GALNT2: variants seen among roughly 807,000 people sequenced by gnomAD.
The protein encoded by GALNT2 is polypeptide N-acetylgalactosaminyltransferase 2.
GALNT2 carries 31 observed loss-of-function variants against 81.4 expected under a neutral mutation model. That is an observed-to-expected ratio of 0.38 (90% CI 0.29 to 0.51). The LOEUF (loss-of-function observed/expected upper bound fraction) is 0.51, where lower values mean the gene tolerates loss of function less well. Ranked by LOEUF, GALNT2 falls within the 20% of genes least tolerant of loss-of-function variation. The pLI is 0.87. For synonymous variants in GALNT2, 303 were observed against 287.4 expected, an observed-to-expected ratio of 1.05 and a Z score of -0.55; for missense variants, 629 against 765.7, an observed-to-expected ratio of 0.82 and a Z score of 2.11.
chr1:230,169,426 A>C lies in GALNT2; in HGVS notation c.127-8792A>C, dbSNP rs115766744. ...CAGGATTTACTGGATATGCCAGTGC[A>C]TTTGCAAACTATTCCTAGTTGCATT... On this transcript the variant is annotated intron_variant, in intron 1 of 15. Transcript: ENST00000366672. Among the ~76,000 whole-genome samples, 890 of 152,344 alleles carry C rather than the reference A, an allele frequency of 5.8e-3. 12 individuals carry two copies. The highest frequency in any genetic ancestry group is 0.021 in the African/African-American group (864 of 41,574).
chr1:230,235,932 T>C, intron 3 of GALNT2, 82 bp from the exon 4 acceptor site: 1 of 1,283,848 alleles, frequency 7.8e-7, no homozygotes, highest in East Asian at 2.4e-5. Context: ...AGTTGGTCAG[T>C]CTGCCTGTTC....
At chr1:230,215,517 T>C (rs1242078988) in intron 3 of GALNT2, among the ~76,000 whole-genome samples, 1 of 152,258 alleles carries the variant, frequency 6.6e-6, no homozygotes, top group Non-Finnish European at 1.5e-5. Flanking sequence ...GCAAGGAACT[T>C]TACTGTCACT....
intron 3 of GALNT2, among the ~76,000 whole-genome samples, chr1:230,226,688 A>C (rs986742800): frequency 2.1e-4 from 32 of 152,252 alleles, no homozygotes; most frequent in African/African-American, 7.7e-4. Flanking sequence ...CTCTCTCCCA[A>C]AGTTAGGGGA....
intron 2 of GALNT2, among the ~76,000 whole-genome samples, chr1:230,196,813 G>GA (rs1310977390): frequency 6.6e-6 from 1 of 152,166 alleles, no homozygotes; most frequent in East Asian, 1.9e-4. Context: ...GAGAGCAGGA[G>GA]AAAATGGTAA....
chr1:230,278,930 A>G (rs1338155312), intron 15 of GALNT2, among the ~76,000 whole-genome samples: 1 of 152,170 alleles, frequency 6.6e-6, no homozygotes, highest in Non-Finnish European at 1.5e-5. Flanking sequence ...CTTGGGGTGA[A>G]CCATCACTGG....
intron 1 of GALNT2, among the ~76,000 whole-genome samples, chr1:230,072,060 G>A (rs1190303279): frequency 6.6e-6 from 1 of 151,990 alleles, no homozygotes; most frequent in Non-Finnish European, 1.5e-5. Flanking sequence ...TGAGTCTTCA[G>A]ACCCGCTGTC....
intron 11 of GALNT2, among the ~76,000 whole-genome samples, chr1:230,256,277 C>G (rs947286692): frequency 6.6e-6 from 1 of 152,136 alleles, no homozygotes; most frequent in African/African-American, 2.4e-5. Context: ...GAAACCGCAT[C>G]TCTACTAAAA....
intron 3 of GALNT2, among the ~76,000 whole-genome samples, chr1:230,231,088 G>A (rs1241239210): frequency 6.6e-6 from 1 of 152,192 alleles, no homozygotes; most frequent in Non-Finnish European, 1.5e-5. Flanking sequence ...AGCCGCTGCT[G>A]CATGTGGACT....
intron 1 of GALNT2, among the ~76,000 whole-genome samples, chr1:230,173,269 C>G (rs1662855057): frequency 6.6e-6 from 1 of 152,144 alleles, no homozygotes; most frequent in Non-Finnish European, 1.5e-5. Context: ...ATACTCTAGA[C>G]CAAGGGGTGA....
intron 1 of GALNT2, among the ~76,000 whole-genome samples, chr1:230,163,141 A>G (rs1456475139): frequency 6.7e-6 from 1 of 149,534 alleles, no homozygotes. Context: ...TCAGCTAAAC[A>G]TGTTCTTTGA....
At chr1:230,071,063 G>T (rs940220340) in intron 1 of GALNT2, among the ~76,000 whole-genome samples, 17 of 152,096 alleles carry the variant, frequency 1.1e-4, no homozygotes, top group Non-Finnish European at 2.4e-4. Context: ...CTGTTAGTGG[G>T]TGCTGAATAA....
chr1:230,159,341 CAGCACTCCCCTGAGTTTATT>C (rs1272852528), intron 1 of GALNT2, among the ~76,000 whole-genome samples: 1 of 53,012 alleles, frequency 1.9e-5, no homozygotes, highest in East Asian at 3.0e-4. Flanking sequence ...TTAAAGTGTT[CAGCACTCCCCTGAGTTTATT>C]AGAAGGATCA....
chr1:230,163,429 G>A (rs969133502), intron 1 of GALNT2, among the ~76,000 whole-genome samples: 4 of 152,246 alleles, frequency 2.6e-5, no homozygotes, highest in African/African-American at 9.6e-5. Context: ...TCATGCTTTA[G>A]CGTTTCCAGC....
rs1659436699 is a variant in GALNT2, at chr1:230,073,493, C to T, written c.126+6087C>T. ...TTGCCTCCTGCAGCACAGGGTGAAA[C>T]ACTGGCATTTTTGCACTTAGTCATG... On this transcript the variant is annotated intron_variant, in intron 1 of 15. Coordinates refer to ENST00000366672, the MANE Select transcript of GALNT2 (RefSeq NM_004481.5). Among the ~76,000 whole-genome samples the T allele has an allele frequency of 3.9e-5, 6 of 152,358 alleles. No homozygotes were observed. In the South Asian group the frequency reaches 1.2e-3, roughly 32 times the overall value.
intron 1 of GALNT2, among the ~76,000 whole-genome samples, chr1:230,100,573 G>T (rs182028010): frequency 6.6e-6 from 1 of 152,168 alleles, no homozygotes; most frequent in South Asian, 2.1e-4. Context: ...CGATCTGCCC[G>T]CCTCGGCCTC....
chr1:230,272,714 A>G lies in GALNT2; in HGVS notation c.1441-1731A>G, dbSNP rs564796597. ...GATGGTGCATCCCGCCAGTGGTTGTATAAGGTCTGAATGCTAGAATCTTTA... is the reference window on the plus strand; with the variant it reads ...GATGGTGCATCCCGCCAGTGGTTGTGTAAGGTCTGAATGCTAGAATCTTTA... On this transcript the variant is annotated intron_variant, in intron 14 of 15. Transcript: ENST00000366672. Among the ~76,000 whole-genome samples the G allele has an allele frequency of 2.0e-5, 3 of 152,214 alleles. No homozygotes were observed. The South Asian group carries it at 6.2e-4, about 32-fold the overall frequency.
intron 15 of GALNT2, among the ~76,000 whole-genome samples, chr1:230,277,594 G>A (rs1278470323): frequency 2.0e-5 from 3 of 152,212 alleles, no homozygotes; most frequent in African/African-American, 4.8e-5. Flanking sequence ...AAGCCTCCCC[G>A]GCTCCTCTGA....
chr1:230,266,033 A>C (rs1357126739), intron 14 of GALNT2, among the ~76,000 whole-genome samples: 1 of 152,102 alleles, frequency 6.6e-6, no homozygotes, highest in East Asian at 1.9e-4. Flanking sequence ...TCTGCTAAAA[A>C]TAAAAAAAAA....
rs929729651 is a variant in GALNT2, at chr1:230,271,797, A to G, written c.1441-2648A>G. 5.9e-5 allele frequency among the ~76,000 whole-genome samples: 9 copies of G among 152,202 alleles called. No homozygotes were observed. The highest frequency in any genetic ancestry group is 1.7e-4 in the African/African-American group (7 of 41,458). ...TGTGCCGCTCTCCCAGCGCCTCCGC[A>G]TGTCCGGCAGCCACATCCCGGAGTG... On this transcript the variant is annotated intron_variant, in intron 14 of 15. Coordinates refer to ENST00000366672, the MANE Select transcript of GALNT2 (RefSeq NM_004481.5). This position sits in a 1 kb window ranked among gnomAD's most constrained non-coding sequence, Gnocchi z 4.2.
Sources: allele counts gnomAD v4.1 joint callset (sites outside exome capture counted in the v4.1 genomes callset), GRCh38; gene constraint gnomAD v4.1.1; non-coding constraint Gnocchi (gnomAD v3.1); transcripts MANE v1.5; gene names NCBI Gene and HGNC (gene_info 2026-07-23, HGNC 2026-07-21).